AKAP7: variants seen among roughly 807,000 people sequenced by gnomAD.
The protein encoded by AKAP7 is A-kinase anchoring protein 7, also known as A kinase (PRKA) anchor protein 7.
Under a neutral mutation model 39.5 loss-of-function variants are expected in AKAP7, and 39 were observed. That is an observed-to-expected ratio of 0.99 (90% confidence interval 0.76 to 1.29). The LOEUF is 1.29. Ranked by LOEUF, AKAP7 falls within the 50% of genes most tolerant of loss-of-function variation. The pLI is 0.00. For synonymous variants in AKAP7, 140 were observed against 139.1 expected, an observed-to-expected ratio of 1.01 and a Z score of -0.05; for missense variants, 414 against 407.7, an observed-to-expected ratio of 1.02 and a Z score of -0.13.
At chr6:131,195,022 T>C (rs1311896264) in intron 5 of AKAP7, among the ~76,000 whole-genome samples, 1 of 152,206 alleles carries the variant, frequency 6.6e-6, no homozygotes, top group Non-Finnish European at 1.5e-5. Flanking sequence ...ATTGGAGAGT[T>C]TAGTCTGTTT....
In AKAP7 at chr6:131,253,586, T is replaced by G. The variant is rs182647659; in HGVS notation, c.851-27944T>G. ...CTAACTGTGTTTGTACCTATTAACC[T>G]CTCATCATCTTTCTCCCCTACAACT... is the stretch of plus-strand genomic sequence containing the variant. On this transcript the variant is annotated intron_variant, in intron 7 of 7. Transcript: ENST00000431975. Among the ~76,000 whole-genome samples, 56 of 152,280 alleles carry G rather than the reference T, an allele frequency of 3.7e-4. 1 individual carries two copies. The East Asian group carries it at 0.01, about 28-fold the overall frequency.
chr6:131,181,006 C>T (rs1230986351), intron 5 of AKAP7, among the ~76,000 whole-genome samples: 1 of 151,462 alleles, frequency 6.6e-6, no homozygotes, highest in Non-Finnish European at 1.5e-5. Context: ...GGCTGGAGTG[C>T]AGTGGCACTG....
At chr6:131,199,702 G>T (rs907454865) in intron 6 of AKAP7, 129 bp downstream of exon 6, 1 of 777,618 alleles carries the variant, frequency 1.3e-6, no homozygotes, top group Non-Finnish European at 2.1e-6. Flanking sequence ...AGTCAGGTTG[G>T]TTCCAATTCC....
At chr6:131,204,532 C>T (rs1218031768) in intron 6 of AKAP7, among the ~76,000 whole-genome samples, 1 of 152,198 alleles carries the variant, frequency 6.6e-6, no homozygotes, top group Non-Finnish European at 1.5e-5. Context: ...CCCACAGTTA[C>T]TCTCTTAGCC....
intron 7 of AKAP7, among the ~76,000 whole-genome samples, chr6:131,270,586 T>C (rs1416070973): frequency 6.6e-6 from 1 of 152,246 alleles, no homozygotes; most frequent in Non-Finnish European, 1.5e-5. Flanking sequence ...CAAGTCTAGC[T>C]AGAAGTAGAT....
chr6:131,261,868 A>T (rs1364367860), intron 7 of AKAP7, among the ~76,000 whole-genome samples: 1 of 152,160 alleles, frequency 6.6e-6, no homozygotes, highest in East Asian at 1.9e-4. Context: ...AACAGAGAGA[A>T]TTTAACGTAG....
At chr6:131,268,946 T>C (rs1333890845) in intron 7 of AKAP7, among the ~76,000 whole-genome samples, 3 of 152,230 alleles carry the variant, frequency 2.0e-5, no homozygotes, top group African/African-American at 4.8e-5. Context: ...AAATTTATGC[T>C]TGTGACATGT....
At chr6:131,152,032 C>T (rs9483225) in intron 2 of AKAP7, among the ~76,000 whole-genome samples, 3,433 of 152,174 alleles carry the variant, frequency 0.023, 135 homozygotes, top group African/African-American at 0.078. Context: ...TAAAATTACA[C>T]GTGGTGCTTC....
chr6:131,270,681 C>T (rs897856051), intron 7 of AKAP7, among the ~76,000 whole-genome samples: 2 of 152,148 alleles, frequency 1.3e-5, no homozygotes, highest in Non-Finnish European at 2.9e-5. Flanking sequence ...ACCATTTTTG[C>T]ATTCCCACCA....
chr6:131,199,318 A>G (rs1807282897), intron 5 of AKAP7, 143 bp from the exon 6 acceptor site: 6 of 602,210 alleles, frequency 1.0e-5, no homozygotes, highest in Non-Finnish European at 1.7e-5. Context: ...TCTCTCTTTT[A>G]AAGAAAATAT....
chr6:131,179,262 C>G (rs1488625054), intron 5 of AKAP7, among the ~76,000 whole-genome samples: 2 of 152,122 alleles, frequency 1.3e-5, no homozygotes, highest in Non-Finnish European at 2.9e-5. Flanking sequence ...CAACTTCTGC[C>G]TCCTGGGTTC....
At chr6:131,186,731 A>G (rs1585042151) in intron 5 of AKAP7, among the ~76,000 whole-genome samples, 2 of 152,286 alleles carry the variant, frequency 1.3e-5, no homozygotes, top group African/African-American at 4.8e-5. Context: ...TGGAGGGGCA[A>G]AAGGGACAAA....
At chr6:131,273,578 C>T (rs1213916082) in intron 7 of AKAP7, among the ~76,000 whole-genome samples, 1 of 152,070 alleles carries the variant, frequency 6.6e-6, no homozygotes, top group African/African-American at 2.4e-5. Flanking sequence ...AACAGAAGAA[C>T]CTTACAGTTA....
intron 1 of AKAP7, chr6:131,137,451 C>T (rs1444874964): frequency 2.0e-5 from 3 of 151,908 alleles, no homozygotes; most frequent in African/African-American, 4.9e-5. Flanking sequence ...GGCACAATCT[C>T]GGCTCACTGC....
At chr6:131,185,782 C>T (rs552335744) in intron 5 of AKAP7, among the ~76,000 whole-genome samples, 1 of 152,270 alleles carries the variant, frequency 6.6e-6, no homozygotes, top group African/African-American at 2.4e-5. Context: ...CCTTTTCATT[C>T]TATTATATCC....
rs751973287 is a variant in AKAP7, at chr6:131,199,547, T to A, written c.676T>A (p.Ser226Thr). The A allele has an allele frequency of 3.7e-6, 6 of 1,610,088 alleles. No individual in the cohort carries two copies. Among genetic ancestry groups the A allele is most frequent in the Admixed American group, 1.7e-5 (1 of 59,904 alleles). The change falls in exon 6 of 8, where the codon TCA (serine) becomes ACA (threonine). Residue 226 changes from serine to threonine, a missense_variant. By Grantham distance (58) the Ser-to-Thr change is moderately conservative (BLOSUM62 1). Coordinates refer to ENST00000431975, the MANE Select transcript of AKAP7 (RefSeq NM_016377.4). ...ACCTCATTTGACCTTCATGAAGTTG[T>A]CAAAATCACCGTGGCTCCGTAAGAA... ...FKPHLTFMKL[S>T]KSPWLRKNGV...
At chr6:131,134,114 G>A (rs376383443), upstream of AKAP7, among the ~76,000 whole-genome samples, 1 of 152,108 alleles carries the variant, frequency 6.6e-6, no homozygotes, top group African/African-American at 2.4e-5. Flanking sequence ...TGGGATTACA[G>A]GCATGGGTCA....
At chr6:131,173,557 G>A (rs1417319847) in intron 5 of AKAP7, among the ~76,000 whole-genome samples, 3 of 152,130 alleles carry the variant, frequency 2.0e-5, no homozygotes, top group Admixed American at 2.0e-4. Flanking sequence ...AAACATGTAA[G>A]CAAGCATGCA....
At chr6:131,140,350 A>G (rs1344174885) in intron 1 of AKAP7, among the ~76,000 whole-genome samples, 1 of 152,112 alleles carries the variant, frequency 6.6e-6, no homozygotes, top group African/African-American at 2.4e-5. Flanking sequence ...TCTCTTTGGT[A>G]TAGCCAGAAT....
Sources: allele counts gnomAD v4.1 joint callset (sites outside exome capture counted in the v4.1 genomes callset), GRCh38; gene constraint gnomAD v4.1.1; transcripts MANE v1.5; gene names NCBI Gene and HGNC (gene_info 2026-07-23, HGNC 2026-07-21).